MTHFD1L: variants seen among roughly 807,000 people sequenced by gnomAD.
MTHFD1L encodes methylenetetrahydrofolate dehydrogenase (NADP+ dependent) 1 like.
Under a neutral mutation model 119.5 loss-of-function variants are expected in MTHFD1L, and 81 were observed. That is an observed-to-expected ratio of 0.68 (90% CI 0.57 to 0.82). The LOEUF is 0.82. Among genes scored for constraint, MTHFD1L ranks in the 40% least tolerant of loss-of-function variants. The pLI is 0.00. For synonymous variants in MTHFD1L, 430 were observed against 475.2 expected (o/e 0.90, Z 1.24); for missense variants, 1,125 against 1,253.4 (o/e 0.90, Z 1.55).
intron 26 of MTHFD1L, among the ~76,000 whole-genome samples, chr6:151,061,176 A>G (rs907536085): frequency 6.6e-6 from 1 of 152,176 alleles, no homozygotes; most frequent in East Asian, 1.9e-4. Flanking sequence ...CCCTAAGACC[A>G]TGATTTATTA....
intron 8 of MTHFD1L, 30 bp downstream of exon 8, chr6:150,905,791 C>T (rs1478098227): frequency 1.4e-6 from 2 of 1,479,408 alleles, no homozygotes; most frequent in Non-Finnish European, 1.9e-6. Context: ...TGTTGAGCCA[C>T]TGATTAGGTC....
intron 11 of MTHFD1L, among the ~76,000 whole-genome samples, chr6:150,934,780 C>T (rs1443582406): frequency 1.3e-5 from 2 of 152,164 alleles, no homozygotes; most frequent in African/African-American, 4.8e-5. Flanking sequence ...AATTTTTTAA[C>T]GATGCTTGAG....
chr6:150,867,857 G>A (rs1050357389), intron 1 of MTHFD1L, among the ~76,000 whole-genome samples: 3 of 148,986 alleles, frequency 2.0e-5, no homozygotes, highest in Admixed American at 1.3e-4. Context: ...GAGTGCAATG[G>A]CACGATCTTG....
chr6:150,924,106 C>A (rs2128903117), intron 10 of MTHFD1L, among the ~76,000 whole-genome samples: 2 of 152,238 alleles, frequency 1.3e-5, no homozygotes, highest in Middle Eastern at 6.8e-3. Context: ...ACTTTGAAAT[C>A]ATTGATTTCT....
intron 26 of MTHFD1L, among the ~76,000 whole-genome samples, chr6:151,085,183 T>C (rs1006221035): frequency 5.3e-5 from 8 of 151,762 alleles, no homozygotes; most frequent in Admixed American, 4.6e-4. Flanking sequence ...TTTTCTTCTA[T>C]GTTGAAAATA....
At chr6:150,935,822 A>C (rs1325279099) in intron 11 of MTHFD1L, among the ~76,000 whole-genome samples, 1 of 152,236 alleles carries the variant, frequency 6.6e-6, no homozygotes, top group Admixed American at 6.5e-5. Flanking sequence ...AAGGATAGTA[A>C]ATTGATCAGA....
intron 26 of MTHFD1L, among the ~76,000 whole-genome samples, chr6:151,048,790 A>G (rs940214971): frequency 2.0e-5 from 3 of 152,228 alleles, no homozygotes; most frequent in Non-Finnish European, 2.9e-5. Flanking sequence ...ATCCCACTGT[A>G]AAGCAAAACA....
chr6:151,097,090 T>C (rs1794948803), intron 27 of MTHFD1L, among the ~76,000 whole-genome samples: 1 of 152,262 alleles, frequency 6.6e-6, no homozygotes, highest in African/African-American at 2.4e-5. Flanking sequence ...CCATTCTTTT[T>C]TCTCACTTGG....
At chr6:150,960,437 G>C in intron 18 of MTHFD1L, 22 bp downstream of exon 18, 1 of 1,588,266 alleles carries the variant, frequency 6.3e-7, no homozygotes, top group Non-Finnish European at 8.6e-7. Context: ...CAACTCGGAA[G>C]CTTCAGGGAG....
At chr6:151,018,307 G>A (rs935198542) in intron 24 of MTHFD1L, among the ~76,000 whole-genome samples, 1 of 152,188 alleles carries the variant, frequency 6.6e-6, no homozygotes, top group East Asian at 1.9e-4. Context: ...GAAGAAATCC[G>A]TGAAGCAAGA....
intron 1 of MTHFD1L, among the ~76,000 whole-genome samples, chr6:150,874,950 A>G (rs1346932201): frequency 1.3e-5 from 2 of 151,814 alleles, no homozygotes; most frequent in African/African-American, 4.8e-5. Flanking sequence ...GGGTTTCACC[A>G]TATTGGCCAC....
rs186485265 is a variant in MTHFD1L, at chr6:151,086,058, G to A, written c.2848-6409G>A. 1.3e-3 allele frequency among the ~76,000 whole-genome samples: 191 copies of A among 152,228 alleles called. 1 individual carries two copies. Among genetic ancestry groups the A allele is most frequent in the Non-Finnish European group, 1.5e-3 (105 of 68,022 alleles). On this transcript the variant is annotated intron_variant, in intron 26 of 27. Coordinates refer to ENST00000367321, the MANE Select transcript of MTHFD1L (RefSeq NM_015440.5). ...GTAACAGGCACTCAAGAGAGTCCAC[G>A]CTGTAGGGTTGATCAGCCACCATGA... is the stretch of plus-strand genomic sequence containing the variant.
At position 150,924,026 on chromosome 6, in the gene MTHFD1L, G is replaced by A. The variant is rs77677261; in HGVS notation, c.1082+1724G>A. 4.3e-4 allele frequency among the ~76,000 whole-genome samples: 65 copies of A among 152,214 alleles called. 1 individual carries two copies. The East Asian group carries it at 0.011, about 27-fold the overall frequency. The stretch of plus-strand genomic sequence containing the variant: ...AGATTAAGATAGATTCCACCAAATT[G>A]TGTACCAAAGTTTCAAAGTAAATTC... On this transcript the variant is annotated intron_variant, in intron 10 of 27. Transcript: ENST00000367321.
chr6:150,900,467 ACACTTCT>A (rs1430379218), intron 7 of MTHFD1L, among the ~76,000 whole-genome samples: 1 of 152,090 alleles, frequency 6.6e-6, no homozygotes, highest in Non-Finnish European at 1.5e-5. Flanking sequence ...TGGGGAATCC[ACACTTCT>A]GGTTTTAACC....
chr6:150,953,653 T>TA (rs1795166460), intron 16 of MTHFD1L, among the ~76,000 whole-genome samples: 1 of 152,188 alleles, frequency 6.6e-6, no homozygotes. Context: ...ATGCATCACT[T>TA]ACCGGGCCAT....
chr6:150,942,819 T>G (rs1267663535), intron 13 of MTHFD1L, among the ~76,000 whole-genome samples: 1 of 152,130 alleles, frequency 6.6e-6, no homozygotes, highest in African/African-American at 2.4e-5. Flanking sequence ...AAGAAAATAT[T>G]TAACCTTCCA....
chr6:150,916,181 T>C (rs1337025188), intron 8 of MTHFD1L, among the ~76,000 whole-genome samples: 5 of 152,022 alleles, frequency 3.3e-5, no homozygotes, highest in African/African-American at 1.2e-4. Flanking sequence ...TCTTCAAAAA[T>C]GTTGCTATTA....
intron 8 of MTHFD1L, among the ~76,000 whole-genome samples, chr6:150,916,614 C>A (rs1410116150): frequency 6.7e-6 from 1 of 149,678 alleles, no homozygotes; most frequent in Non-Finnish European, 1.5e-5. Flanking sequence ...CAGGCGTGAG[C>A]CACTATGCCC....
At chr6:150,949,530 C>T (rs1794548763) in intron 16 of MTHFD1L, among the ~76,000 whole-genome samples, 1 of 152,164 alleles carries the variant, frequency 6.6e-6, no homozygotes, top group African/African-American at 2.4e-5. Flanking sequence ...CTTCTGTTCA[C>T]TTCCTTACCA....
Sources: allele counts gnomAD v4.1 joint callset (sites outside exome capture counted in the v4.1 genomes callset), GRCh38; gene constraint gnomAD v4.1.1; transcripts MANE v1.5; gene names NCBI Gene and HGNC (gene_info 2026-07-23, HGNC 2026-07-21).